The following SLU7 variants were observed in gnomAD, a reference collection of about 807,000 sequenced individuals.
SLU7 encodes the protein pre-mRNA-splicing factor SLU7.
A neutral mutation model predicts 87.0 loss-of-function variants in SLU7; 60 were observed. The ratio of observed to expected loss-of-function variants is 0.69; its 90% CI spans 0.56 to 0.86. SLU7 has a LOEUF of 0.86. Ranked by LOEUF, SLU7 falls within the 40% of genes least tolerant of loss-of-function variation. SLU7 has a pLI of 0.00. For synonymous variants in SLU7, 197 were observed against 222.0 expected (o/e 0.89, Z 1.00); for missense variants, 507 against 686.6 (o/e 0.74, Z 2.92).
Position 160,404,457 on chromosome 5 carries a change from GCTT to G in SLU7, c.1561_1563del (p.Lys521del), listed in dbSNP as rs1764915004. The G allele has an allele frequency of 4.4e-6, 7 of 1,585,076 alleles. No homozygotes were observed. Among genetic ancestry groups the G allele is most frequent in the Admixed American group, 1.8e-5 (1 of 56,990 alleles). On this transcript the variant is annotated inframe_deletion, in exon 15 of 16. Transcript: ENST00000297151. ...CAAATTACCTTTTTCAATTTTTCAT[GCTT>G]CTTTTCTTCATCATCACTATCTGAA...
intron 6 of SLU7, among the ~76,000 whole-genome samples, chr5:160,411,556 T>C (rs1561560543): frequency 2.0e-5 from 3 of 152,214 alleles, no homozygotes; most frequent in Non-Finnish European, 4.4e-5. Flanking sequence ...TAACTTACAA[T>C]GTTAACTTGC....
intron 7 of SLU7, 75 bp downstream of exon 7, chr5:160,408,575 A>G: frequency 7.2e-7 from 1 of 1,394,122 alleles, no homozygotes; most frequent in Non-Finnish European, 1.0e-6. Context: ...AAAAGCTATT[A>G]TTAGTGTTAT....
intron 12 of SLU7, among the ~76,000 whole-genome samples, chr5:160,405,803 T>C (rs992263071): frequency 1.1e-4 from 16 of 152,176 alleles, no homozygotes; most frequent in African/African-American, 3.6e-4. Flanking sequence ...ATACAGAATA[T>C]GAGACAATTT....
In SLU7 at chr5:160,407,719, A is replaced by G. The variant is rs371635906; in HGVS notation, c.985+27T>C. 2.7e-4 allele frequency: 442 copies of G among 1,607,740 alleles called. 1 individual carries two copies. In the African/African-American group the frequency reaches 5.2e-3, roughly 19 times the overall value. ...CAAACGTCTTATGAGCTGATATAAA[A>G]TGGCTTGACATAGAGGAAACACTTA... On this transcript the variant is annotated intron_variant, in intron 10 of 15. Coordinates refer to ENST00000297151, the MANE Select transcript of SLU7 (RefSeq NM_006425.5). The surrounding 1 kb of genome is among the most constrained non-coding windows in gnomAD (Gnocchi z 4.2).
At position 160,407,190 on chromosome 5, in the gene SLU7, C is replaced by T. The variant is rs1340735535; in HGVS notation, c.1125+286G>A. Among the ~76,000 whole-genome samples, 2 of 152,232 alleles carry T rather than the reference C, an allele frequency of 1.3e-5. No individual in the cohort carries two copies. The highest frequency in any genetic ancestry group is 4.8e-5 in the African/African-American group (2 of 41,450). On this transcript the variant is annotated intron_variant, in intron 11 of 15. Transcript: ENST00000297151. This position sits in a 1 kb window ranked among gnomAD's most constrained non-coding sequence, Gnocchi z 4.2. Reference sequence around the variant, plus strand: ...CTGCTAAACACAAGAGTGAGGCCATCTTAGTTCATCATCTAACCTCAGCTG... The same window carrying T: ...CTGCTAAACACAAGAGTGAGGCCATTTTAGTTCATCATCTAACCTCAGCTG...
At position 160,404,456 on chromosome 5, in the gene SLU7, T is replaced by G; in HGVS notation, c.1565A>C (p.His522Pro). The G allele has an allele frequency of 6.3e-7, 1 of 1,587,018 alleles. No individual in the cohort carries two copies. The highest frequency in any genetic ancestry group is 8.6e-7 in the Non-Finnish European group (1 of 1,162,326). The change falls in exon 15 of 16, where the codon CAT (histidine) becomes CCT (proline). Residue 522 changes from histidine (H) to proline (P), a missense_variant. Physicochemically the swap from His to Pro is moderately conservative, Grantham distance 77. This residue lies in a region of SLU7 where 201 missense variants were observed against 213.4 expected (regional missense o/e 0.94). Transcript: ENST00000297151. ...SSDSDDEEKK[H>P]EKLKKALNAE... is the part of the protein sequence containing the mutation. ...ACAAATTACCTTTTTCAATTTTTCA[T>G]GCTTCTTTTCTTCATCATCACTATC...
chr5:160,412,399 T>G (rs1765272691), intron 6 of SLU7, 52 bp downstream of exon 6: 1 of 1,095,356 alleles, frequency 9.1e-7, no homozygotes, highest in African/African-American at 1.6e-5. Flanking sequence ...CAATTTTCAT[T>G]TCTTTGTTTA....
intron 2 of SLU7, 122 bp downstream of exon 2, chr5:160,415,003 A>G: frequency 1.2e-6 from 1 of 838,380 alleles, no homozygotes; most frequent in African/African-American, 1.7e-5. Flanking sequence ...GTTTGATAAA[A>G]TAAAAAACAA....
chr5:160,405,377 A>T (rs1272176340), intron 12 of SLU7, among the ~76,000 whole-genome samples: 2 of 152,214 alleles, frequency 1.3e-5, no homozygotes, highest in Non-Finnish European at 2.9e-5. Context: ...AGGGTATCTG[A>T]CTTCTCTTGA....
chr5:160,417,309 AAAAT>A (rs1294473211), intron 1 of SLU7: 2 of 152,230 alleles, frequency 1.3e-5, no homozygotes, highest in African/African-American at 4.8e-5. Flanking sequence ...TAAAAAAGTA[AAAAT>A]AAACAGGTAA....
chr5:160,413,630 G>C lies in SLU7; in HGVS notation c.406-10C>G, dbSNP rs1161317789. The C allele has an allele frequency of 6.2e-7, 1 of 1,601,242 alleles. No homozygotes were observed. Among genetic ancestry groups the C allele is most frequent in the Non-Finnish European group, 8.5e-7 (1 of 1,175,976 alleles). On this transcript the variant is annotated splice_polypyrimidine_tract_variant and intron_variant, in intron 4 of 15. Coordinates refer to ENST00000297151, the MANE Select transcript of SLU7 (RefSeq NM_006425.5). ...CAACTCGCCTAGGTCTCTAAAAACA[G>C]AGTAAGATTTAATCTTTTCCTAAGT...
At chr5:160,406,318 T>G in intron 12 of SLU7, 150 bp downstream of exon 12, 1 of 597,982 alleles carries the variant, frequency 1.7e-6, no homozygotes, top group East Asian at 3.4e-5. Flanking sequence ...AATTTTTCTA[T>G]TTTTGAAAAA....
rs201909221 is a variant in SLU7 at position 160,406,514 on chromosome 5, A to G, written c.1241T>C (p.Val414Ala). ...ATCCTCCTCATACTTAGAGCAGGCA[A>G]CAGCCCGCTCCTGTCCTTTGATGAC... Reference protein sequence around the residue: ...GTVIKGQERAVACSKYEEDVK... With the variant: ...GTVIKGQERAAACSKYEEDVK... The change falls in exon 12 of 16, where the codon GTT (valine) becomes GCT (alanine). Residue 414 changes from valine (V) to alanine (A), a missense_variant. Val to Ala is a moderately conservative substitution (Grantham distance 64). Around this residue, in one of 6 missense-constraint regions of SLU7, gnomAD observed 201 missense variants for 213.4 expected, o/e 0.94. Coordinates refer to ENST00000297151, the MANE Select transcript of SLU7 (RefSeq NM_006425.5). 6.6e-5 allele frequency: 106 copies of G among 1,613,438 alleles called. No homozygotes were observed. Among genetic ancestry groups the G allele is most frequent in the Non-Finnish European group, 7.8e-5 (92 of 1,179,726 alleles).
Position 160,419,030 on chromosome 5 carries a change from C to G in SLU7, c.-24G>C, listed in dbSNP as rs1045076618. On this transcript the variant is annotated 5_prime_UTR_variant, in exon 1 of 16. Transcript: ENST00000297151. Reference sequence around the variant, plus strand: ...CTAACAATATTTTCTTACCCAGCCCCGCCGCAGCTAGCCCCAAGTCCATCC... The same window carrying G: ...CTAACAATATTTTCTTACCCAGCCCGGCCGCAGCTAGCCCCAAGTCCATCC... 1 of 152,304 alleles carries G rather than the reference C, an allele frequency of 6.6e-6. No homozygotes were observed. The highest frequency in any genetic ancestry group is 1.5e-5 in the Non-Finnish European group (1 of 68,112). 9.4% of individuals were successfully genotyped at this position (152,304 alleles called of 1,614,324 possible).
chr5:160,418,840 C>A (rs1554082791), intron 1 of SLU7, 183 bp downstream of exon 1: 1 of 152,306 alleles, frequency 6.6e-6, no homozygotes, highest in Non-Finnish European at 1.5e-5. Flanking sequence ...CCTGGCCTGG[C>A]AGGGCACGAG....
At position 160,404,712 on chromosome 5, in the gene SLU7, G is replaced by A. The variant is rs6889355; in HGVS notation, c.1464+97C>T. ...TGCGCTCGAGCCTGGGCGACAGAAT[G>A]AGATTCTGTTTCAAAAGAAAAAAAA... On this transcript the variant is annotated intron_variant, in intron 14 of 15. Transcript: ENST00000297151. 14,906 of 950,472 alleles carry A rather than the reference G, an allele frequency of 0.016. 1,496 individuals carry two copies. The African/African-American group carries it at 0.22, about 14-fold the overall frequency. 58.9% of individuals were successfully genotyped at this position (950,472 alleles called of 1,614,324 possible). A position where few individuals can be genotyped will look rare whatever the true frequency, so the allele number is the denominator to read the frequency against.
intron 5 of SLU7, among the ~76,000 whole-genome samples, 182 bp downstream of exon 5, chr5:160,413,274 G>A (rs1463426368): frequency 6.6e-6 from 1 of 152,096 alleles, no homozygotes; most frequent in African/African-American, 2.4e-5. Flanking sequence ...TGGCAAGTAT[G>A]GCTAGCACAC....
intron 12 of SLU7, 129 bp downstream of exon 12, chr5:160,406,339 A>T: frequency 1.4e-6 from 1 of 706,134 alleles, no homozygotes; most frequent in Non-Finnish European, 2.1e-6. Context: ...ATTCCATGAA[A>T]CAGTTAAAAT....
intron 5 of SLU7, 138 bp downstream of exon 5, chr5:160,413,318 T>C (rs1399935176): frequency 8.0e-6 from 5 of 621,642 alleles, no homozygotes; most frequent in East Asian, 5.5e-5. Context: ...ATTATAAAGG[T>C]AGCCTATACA....
Sources: gnomAD v4.1 joint callset for allele counts (sites outside exome capture counted in the v4.1 genomes callset) on GRCh38, gnomAD v4.1.1 for gene constraint, gnomAD v4.1.1 regional missense constraint, Gnocchi (gnomAD v3.1) non-coding constraint, MANE v1.5 for transcripts, NCBI Gene and HGNC (gene_info 2026-07-23, HGNC 2026-07-21) for gene names.